The following FAM227B variants were observed in gnomAD, a reference collection of about 807,000 sequenced individuals.
FAM227B encodes the protein family with sequence similarity 227 member B.
Under a neutral mutation model 73.8 loss-of-function variants are expected in FAM227B, and 88 were observed. That is an observed-to-expected ratio of 1.19 (90% CI 1.00 to 1.42). FAM227B has a LOEUF of 1.42. FAM227B is among the 40% of genes most tolerant of loss of function. The pLI, the probability that FAM227B is intolerant of heterozygous loss-of-function variation, is 0.00. For synonymous variants in FAM227B, 210 were observed against 190.5 expected (o/e 1.10, Z -0.84); for missense variants, 632 against 590.9 (o/e 1.07, Z -0.72).
chr15:49,592,824 C>G (rs1331496301), intron 3 of FAM227B, among the ~76,000 whole-genome samples: 1 of 152,250 alleles, frequency 6.6e-6, no homozygotes, highest in Admixed American at 6.5e-5. Flanking sequence ...GTAGGCCTTG[C>G]TGAGCTGCAG....
intron 11 of FAM227B, among the ~76,000 whole-genome samples, chr15:49,431,409 T>C (rs1484160219): frequency 2.0e-5 from 3 of 151,802 alleles, no homozygotes; most frequent in Non-Finnish European, 4.4e-5. Context: ...ACTATGTGTA[T>C]GAAAGGGTTT....
At chr15:49,607,621 T>A (rs945047908) in intron 3 of FAM227B, among the ~76,000 whole-genome samples, 6 of 152,316 alleles carry the variant, frequency 3.9e-5, no homozygotes, top group Admixed American at 1.3e-4. Flanking sequence ...ACTTGTTATA[T>A]CACAATCCTT....
rs192785063 is a variant in FAM227B, at chr15:49,591,476, C to A, written c.106-1469G>T. Among the ~76,000 whole-genome samples the A allele has an allele frequency of 5.1e-4, 69 of 134,040 alleles. 3 individuals are homozygous for A. The East Asian group carries it at 0.012, about 22-fold the overall frequency. 87.9% of individuals were successfully genotyped at this position (134,040 alleles called of 152,430 possible). ...CAGGCATAAGCCACTGCACCTGGCC[C>A]TTCCTTCCTTTTTTTTTTTTTTTTT... On this transcript the variant is annotated intron_variant, in intron 3 of 15. Coordinates refer to ENST00000299338, the MANE Select transcript of FAM227B (RefSeq NM_152647.3).
At chr15:49,485,219 TTGA>T (rs2056306079) in intron 11 of FAM227B, 1 of 152,306 alleles carries the variant, frequency 6.6e-6, no homozygotes, top group Non-Finnish European at 1.5e-5. Context: ...GCAACAGTGA[TTGA>T]TGATAATACT....
chr15:49,380,405 C>T (rs1260155171), intron 11 of FAM227B, among the ~76,000 whole-genome samples: 1 of 152,138 alleles, frequency 6.6e-6, no homozygotes, highest in Non-Finnish European at 1.5e-5. Flanking sequence ...AAGGTGAAGA[C>T]AAAGTCCTCT....
intron 13 of FAM227B, among the ~76,000 whole-genome samples, chr15:49,354,554 C>T (rs577725360): frequency 2.6e-5 from 4 of 152,324 alleles, no homozygotes; most frequent in East Asian, 1.9e-4. Context: ...TAAAAAACGG[C>T]GCACCACGAG....
chr15:49,579,918 T>G (rs1352493089), intron 5 of FAM227B, among the ~76,000 whole-genome samples: 1 of 152,144 alleles, frequency 6.6e-6, no homozygotes, highest in Non-Finnish European at 1.5e-5. Flanking sequence ...TGATTATGTA[T>G]CAATAAAAAA....
At chr15:49,522,309 T>C (rs2059847363) in intron 10 of FAM227B, among the ~76,000 whole-genome samples, 2 of 152,170 alleles carry the variant, frequency 1.3e-5, no homozygotes, top group South Asian at 2.1e-4. Flanking sequence ...CCCATCTAAA[T>C]GATAGCAAAT....
At chr15:49,347,735 T>C (rs2041707097) in intron 13 of FAM227B, among the ~76,000 whole-genome samples, 1 of 152,126 alleles carries the variant, frequency 6.6e-6, no homozygotes, top group Non-Finnish European at 1.5e-5. Flanking sequence ...ATGGATAACA[T>C]TGGCCAGGCA....
intron 11 of FAM227B, among the ~76,000 whole-genome samples, chr15:49,389,852 C>G (rs1363441579): frequency 1.3e-5 from 2 of 151,988 alleles, no homozygotes; most frequent in African/African-American, 2.4e-5. Context: ...TTCCTAGCCA[C>G]TGGTAGAACC....
intron 3 of FAM227B, among the ~76,000 whole-genome samples, chr15:49,597,483 T>G (rs1356818324): frequency 6.6e-6 from 1 of 151,910 alleles, no homozygotes; most frequent in East Asian, 1.9e-4. Flanking sequence ...CTAAGAGGAA[T>G]GTTCACAGCA....
chr15:49,566,314 A>T (rs1163009264), intron 9 of FAM227B, among the ~76,000 whole-genome samples: 1 of 152,192 alleles, frequency 6.6e-6, no homozygotes, highest in Non-Finnish European at 1.5e-5. Context: ...GTGGTACACA[A>T]ATTATACCAA....
At chr15:49,403,066 T>C (rs558744937) in intron 11 of FAM227B, among the ~76,000 whole-genome samples, 2 of 152,244 alleles carry the variant, frequency 1.3e-5, no homozygotes, top group African/African-American at 2.4e-5. Flanking sequence ...GTTCTGTTTA[T>C]GTGACGAATC....
intron 10 of FAM227B, among the ~76,000 whole-genome samples, chr15:49,510,318 A>C (rs2058895016): frequency 6.6e-6 from 1 of 152,126 alleles, no homozygotes; most frequent in South Asian, 2.1e-4. Context: ...CTCTTTTTGA[A>C]TATAGAGAAT....
chr15:49,614,200 T>C (rs1340425901), intron 2 of FAM227B, among the ~76,000 whole-genome samples: 1 of 152,264 alleles, frequency 6.6e-6, no homozygotes, highest in Non-Finnish European at 1.5e-5. Context: ...ATTCCATGTT[T>C]CTTTTGGGGT....
chr15:49,588,026 T>A lies in FAM227B; in HGVS notation c.395A>T (p.Lys132Ile). ...GEFLKKYHKKKKIMLSDEMET... is the reference protein window; with the variant it reads ...GEFLKKYHKKIKIMLSDEMET... ...ACATAGATACCATACCATTATCTTT[T>A]TTTTCTTATGGTACTTCTTTAGAAA... is the stretch of plus-strand genomic sequence containing the variant. Residue 132 changes from lysine to isoleucine, a missense_variant, in exon 5 of 16, where the codon AAA (lysine) becomes ATA (isoleucine). Transcript: ENST00000299338. 6.9e-7 allele frequency: 1 copy of A among 1,452,732 alleles called. No homozygotes were observed. The highest frequency in any genetic ancestry group is 9.2e-7 in the Non-Finnish European group (1 of 1,088,858). The allele number at this position is 1,452,732 out of a possible 1,614,324, so 90.0% of individuals were successfully genotyped here. A position where few individuals can be genotyped will look rare whatever the true frequency, so the allele number is the denominator to read the frequency against.
In FAM227B at chr15:49,476,237, T is replaced by G. The variant is rs536269896; in HGVS notation, c.1012+31974A>C. On this transcript the variant is annotated intron_variant, in intron 11 of 15. Coordinates refer to ENST00000299338, the MANE Select transcript of FAM227B (RefSeq NM_152647.3). Reference sequence around the variant, plus strand: ...GTTTTGTTTTTTTGTTTTTGGTTTTTTTTTTTTTGCATTTGGCATATACTG... The same window carrying G: ...GTTTTGTTTTTTTGTTTTTGGTTTTGTTTTTTTTGCATTTGGCATATACTG... Among the ~76,000 whole-genome samples, 14 of 149,408 alleles carry G rather than the reference T, an allele frequency of 9.4e-5. 1 individual carries two copies. The East Asian group carries it at 1.4e-3, about 15-fold the overall frequency.
chr15:49,498,314 T>C (rs2057805625), intron 11 of FAM227B, among the ~76,000 whole-genome samples: 1 of 152,188 alleles, frequency 6.6e-6, no homozygotes, highest in African/African-American at 2.4e-5. Flanking sequence ...TGTGGTTTTG[T>C]CACTTATAAA....
intron 13 of FAM227B, among the ~76,000 whole-genome samples, chr15:49,339,518 G>A (rs574332105): frequency 1.2e-4 from 19 of 152,268 alleles, no homozygotes; most frequent in African/African-American, 3.9e-4. Flanking sequence ...AGGGGCACCC[G>A]CCAGATGCCA....
Sources: allele counts gnomAD v4.1 joint callset (sites outside exome capture counted in the v4.1 genomes callset), GRCh38; gene constraint gnomAD v4.1.1; transcripts MANE v1.5; gene names NCBI Gene and HGNC (gene_info 2026-07-23, HGNC 2026-07-21).